The following CACFD1 variants were observed in gnomAD, a reference collection of about 807,000 sequenced individuals.
CACFD1 encodes calcium channel flower homolog.
Under a neutral mutation model 21.3 loss-of-function variants are expected in CACFD1, and 26 were observed. The ratio of observed to expected loss-of-function variants is 1.22; its 90% CI spans 0.89 to 1.69. The LOEUF (loss-of-function observed/expected upper bound fraction) is 1.69. Among genes scored for constraint, CACFD1 ranks in the 40% most tolerant of loss-of-function variants. The probability of loss-of-function intolerance (pLI) is 0.00; values close to 1 mark genes in which losing one functional copy is unlikely to be tolerated. For missense variants in CACFD1, 265 were observed against 236.2 expected (o/e 1.12, Z -0.80); for synonymous variants, 121 against 106.6 (o/e 1.13, Z -0.83).
Position 133,468,975 on chromosome 9 carries a change from T to G in CACFD1, c.*322T>G. 2.6e-6 allele frequency: 1 copy of G among 379,354 alleles called. No individual in the cohort carries two copies. 23.5% of individuals were successfully genotyped at this position (379,354 alleles called of 1,614,324 possible). ...TGACCTGCTGTGACCTGGGAGCAGC[T>G]TCCCCTGGAGATGCTGGTCCTGGCT... On this transcript the variant is annotated 3_prime_UTR_variant, in exon 5 of 5. Coordinates refer to ENST00000316948, the MANE Select transcript of CACFD1 (RefSeq NM_017586.5).
Position 133,468,809 on chromosome 9 carries a change from G to A in CACFD1, c.*156G>A. On this transcript the variant is annotated 3_prime_UTR_variant, in exon 5 of 5. Transcript: ENST00000316948. ...TGCTCCTTTCTCCAGACTGGCTTAA[G>A]CCAGGAGCCACTGGCTGCTGGTGTG... 7 of 1,330,544 alleles carry A rather than the reference G, an allele frequency of 5.3e-6. No homozygotes were observed. Among genetic ancestry groups the A allele is most frequent in the Non-Finnish European group, 7.0e-6 (7 of 1,006,488 alleles). 82.4% of individuals were successfully genotyped at this position (1,330,544 alleles called of 1,614,324 possible). A position where few individuals can be genotyped will look rare whatever the true frequency, so the allele number is the denominator to read the frequency against.
chr9:133,462,604 T>C (rs1161194985), intron 1 of CACFD1, among the ~76,000 whole-genome samples: 1 of 152,190 alleles, frequency 6.6e-6, no homozygotes, highest in Non-Finnish European at 1.5e-5. Flanking sequence ...GGCCTGGGCT[T>C]GCTCCCTGCC....
intron 4 of CACFD1, chr9:133,468,324 A>AC: frequency 1.3e-6 from 2 of 1,533,626 alleles, no homozygotes. Context: ...CTCAGTTGCC[A>AC]CCCTCTCTCC....
intron 3 of CACFD1, among the ~76,000 whole-genome samples, chr9:133,467,538 C>T (rs906315010): frequency 5.3e-5 from 8 of 152,238 alleles, no homozygotes; most frequent in Admixed American, 2.0e-4. Flanking sequence ...ATCCCCTCTC[C>T]GCGGTGGAGA....
chr9:133,460,285 C>G, intron 1 of CACFD1, 98 bp downstream of exon 1: 1 of 1,146,552 alleles, frequency 8.7e-7, no homozygotes, highest in South Asian at 2.0e-5. Context: ...GGGAAAGGAC[C>G]CGCTGGGGGT....
chr9:133,467,462 C>G (rs1456096345), intron 3 of CACFD1, among the ~76,000 whole-genome samples: 5 of 152,340 alleles, frequency 3.3e-5, no homozygotes, highest in African/African-American at 1.2e-4. Context: ...TAACTCAGAG[C>G]ATTTATTTAG....
intron 4 of CACFD1, 178 bp downstream of exon 4, chr9:133,468,206 AAC>A: frequency 8.3e-7 from 1 of 1,200,226 alleles, no homozygotes; most frequent in South Asian, 1.5e-5. Context: ...GAGGACTTAC[AAC>A]ACTTCTGCGT....
rs1478222986 is a variant in CACFD1 at position 133,465,212 on chromosome 9, A to C, written c.195-110A>C. 10 of 1,286,942 alleles carry C rather than the reference A, an allele frequency of 7.8e-6. No homozygotes were observed. In the Admixed American group the frequency reaches 8.6e-5, roughly 11 times the overall value. 79.7% of individuals were successfully genotyped at this position (1,286,942 alleles called of 1,614,324 possible). A position where few individuals can be genotyped will look rare whatever the true frequency, so the allele number is the denominator to read the frequency against. On this transcript the variant is annotated intron_variant, in intron 2 of 4. Coordinates refer to ENST00000316948, the MANE Select transcript of CACFD1 (RefSeq NM_017586.5). The surrounding 1 kb of genome is among the most constrained non-coding windows in gnomAD (Gnocchi z 5.0). ...GCGGCTTCCCAGAGGAGGAGGGATG[A>C]GGGCAGGAGGGTGAGGGAGGTGGCA...
intron 4 of CACFD1, 53 bp downstream of exon 4, chr9:133,468,081 G>A (rs1317614238): frequency 2.1e-5 from 30 of 1,461,206 alleles, no homozygotes; most frequent in South Asian, 9.3e-5. Flanking sequence ...TCCGCCCCCC[G>A]AAGTCCTTCA....
chr9:133,466,094 C>T (rs1453543740), intron 3 of CACFD1, among the ~76,000 whole-genome samples: 2 of 152,130 alleles, frequency 1.3e-5, no homozygotes, highest in Non-Finnish European at 2.9e-5. Context: ...TAGATGCAAG[C>T]TTGCTTCCCC....
intron 1 of CACFD1, 73 bp downstream of exon 1, chr9:133,460,260 C>T: frequency 3.7e-6 from 5 of 1,335,692 alleles, no homozygotes; most frequent in Non-Finnish European, 4.9e-6. Flanking sequence ...CCCCGCCCCG[C>T]CCCGGCGGCC....
chr9:133,466,582 T>G (rs1421376496), intron 3 of CACFD1, among the ~76,000 whole-genome samples: 1 of 146,078 alleles, frequency 6.8e-6, no homozygotes, highest in African/African-American at 2.6e-5. Context: ...GATAAACATG[T>G]GTCTGCTAAA....
At chr9:133,463,270 C>T (rs1209336964) in intron 1 of CACFD1, 1 of 407,274 alleles carries the variant, frequency 2.5e-6, no homozygotes, top group Non-Finnish European at 3.3e-6. Context: ...TTGCTGCCAC[C>T]TTGCTGTGGG....
chr9:133,463,354 G>A, intron 1 of CACFD1, 129 bp from the exon 2 acceptor site: 1 of 1,542,558 alleles, frequency 6.5e-7, no homozygotes, highest in African/African-American at 1.4e-5. Context: ...CAGGCTTCTG[G>A]GTGCTGTGAG....
chr9:133,460,294 G>T (rs1843095134), intron 1 of CACFD1, 107 bp downstream of exon 1: 2 of 1,060,652 alleles, frequency 1.9e-6, no homozygotes, highest in South Asian at 2.3e-5. Flanking sequence ...CCCGCTGGGG[G>T]TCGGGGGTCT....
At position 133,465,842 on chromosome 9, in the gene CACFD1, C is replaced by T. The variant is rs147141437; in HGVS notation, c.320+395C>T. 4.8e-3 allele frequency: 809 copies of T among 166,916 alleles called. 9 individuals carry two copies. The highest frequency in any genetic ancestry group is 0.018 in the African/African-American group (756 of 41,900). The allele number at this position is 166,916 out of a possible 1,614,324, so 10.3% of individuals were successfully genotyped here. A position where few individuals can be genotyped will look rare whatever the true frequency, so the allele number is the denominator to read the frequency against. The stretch of plus-strand genomic sequence containing the variant: ...GAGTGGGTTCATCTAGATGTCCTGA[C>T]GTGAAGGGGGAGAAGCAGGTTGCAG... On this transcript the variant is annotated intron_variant, in intron 3 of 4. Coordinates refer to ENST00000316948, the MANE Select transcript of CACFD1 (RefSeq NM_017586.5). This position sits in a 1 kb window ranked among gnomAD's most constrained non-coding sequence, Gnocchi z 5.0.
chr9:133,464,471 C>T (rs587597905), intron 2 of CACFD1, among the ~76,000 whole-genome samples: 108 of 152,126 alleles, frequency 7.1e-4, no homozygotes, highest in African/African-American at 2.4e-3. Context: ...GTGGGAGGCT[C>T]GGGGCGGGTG....
At chr9:133,466,414 A>G (rs1843439154) in intron 3 of CACFD1, among the ~76,000 whole-genome samples, 1 of 152,232 alleles carries the variant, frequency 6.6e-6, no homozygotes, top group South Asian at 2.1e-4. Flanking sequence ...TATAACCATT[A>G]TGAATAAGTT....
At chr9:133,461,013 G>A (rs1843184792) in intron 1 of CACFD1, among the ~76,000 whole-genome samples, 1 of 135,354 alleles carries the variant, frequency 7.4e-6, no homozygotes, top group African/African-American at 2.7e-5. Context: ...TGGCCTTCCA[G>A]GGAAAGACAA....
Sources: gnomAD v4.1 joint callset for allele counts (sites outside exome capture counted in the v4.1 genomes callset) on GRCh38, gnomAD v4.1.1 for gene constraint, Gnocchi (gnomAD v3.1) non-coding constraint, MANE v1.5 for transcripts, NCBI Gene and HGNC (gene_info 2026-07-23, HGNC 2026-07-21) for gene names.